MEMO1: variants seen among roughly 807,000 people sequenced by gnomAD.
MEMO1 encodes the protein protein MEMO1.
Under a neutral mutation model 45.2 loss-of-function variants are expected in MEMO1, and 6 were observed. The ratio of observed to expected loss-of-function variants is 0.13; its 90% confidence interval spans 0.07 to 0.26. MEMO1 has a LOEUF of 0.26. MEMO1 is among the 10% of genes least tolerant of loss of function. MEMO1 has a pLI of 1.00. For synonymous variants in MEMO1, 78 were observed against 124.3 expected (o/e 0.63, Z 2.48); for missense variants, 184 against 370.5 (o/e 0.50, Z 4.13).
intron 2 of MEMO1, among the ~76,000 whole-genome samples, chr2:31,970,259 C>T (rs903710546): frequency 2.6e-5 from 4 of 152,046 alleles, no homozygotes; most frequent in African/African-American, 9.7e-5. Context: ...AATGAGCCAC[C>T]GCGCCTGGCC....
chr2:31,933,834 T>G (rs1038636380), intron 3 of MEMO1, among the ~76,000 whole-genome samples: 17 of 152,160 alleles, frequency 1.1e-4, no homozygotes, highest in African/African-American at 4.1e-4. Context: ...GTTCTGATCT[T>G]AGCCAGAAGG....
At chr2:31,983,667 C>A (rs1273120889) in intron 2 of MEMO1, among the ~76,000 whole-genome samples, 3 of 152,292 alleles carry the variant, frequency 2.0e-5, no homozygotes, top group South Asian at 2.1e-4. Flanking sequence ...CTCCTGACCG[C>A]AGGTGATCCG....
At chr2:31,944,411 A>T (rs1362441558) in intron 2 of MEMO1, among the ~76,000 whole-genome samples, 2 of 152,218 alleles carry the variant, frequency 1.3e-5, no homozygotes, top group Non-Finnish European at 2.9e-5. Flanking sequence ...AGTTGGCCCA[A>T]GACTTTCCCA....
At chr2:31,946,186 A>G (rs1006835223) in intron 2 of MEMO1, among the ~76,000 whole-genome samples, 3 of 152,176 alleles carry the variant, frequency 2.0e-5, no homozygotes, top group Non-Finnish European at 4.4e-5. Context: ...GTCGTTCCCA[A>G]TATTTGATAT....
At chr2:31,981,865 G>C (rs1348929102) in intron 2 of MEMO1, among the ~76,000 whole-genome samples, 1 of 152,094 alleles carries the variant, frequency 6.6e-6, no homozygotes, top group Non-Finnish European at 1.5e-5. Flanking sequence ...TTATGCATTT[G>C]TCAGACCCAT....
At chr2:31,936,824 A>C (rs1664973417) in intron 3 of MEMO1, among the ~76,000 whole-genome samples, 1 of 152,240 alleles carries the variant, frequency 6.6e-6, no homozygotes, top group African/African-American at 2.4e-5. Flanking sequence ...GGAATACTTA[A>C]CTAAGATTCA....
At chr2:31,870,065 G>A (rs1673468647) in intron 8 of MEMO1, 113 bp from the exon 9 acceptor site, 2 of 830,152 alleles carry the variant, frequency 2.4e-6, no homozygotes, top group Non-Finnish European at 3.4e-6. Flanking sequence ...CAATTAGGGA[G>A]ACACAAAGAA....
At chr2:31,898,658 C>T (rs1678259203) in intron 6 of MEMO1, among the ~76,000 whole-genome samples, 1 of 152,014 alleles carries the variant, frequency 6.6e-6, no homozygotes, top group Admixed American at 6.6e-5. Flanking sequence ...AGAATGAGTG[C>T]AATGTGCTGC....
At chr2:31,944,505 T>C (rs987609207) in intron 2 of MEMO1, among the ~76,000 whole-genome samples, 4 of 152,202 alleles carry the variant, frequency 2.6e-5, no homozygotes, top group African/African-American at 9.6e-5. Flanking sequence ...ATTGAGAAGA[T>C]AACTACTTCA....
At chr2:31,943,503 T>C in intron 2 of MEMO1, 120 bp from the exon 3 acceptor site, 1 of 742,622 alleles carries the variant, frequency 1.3e-6, no homozygotes. Flanking sequence ...CGCAATAGGA[T>C]CATCAGTTGG....
At chr2:31,993,696 A>T (rs1672212100) in intron 2 of MEMO1, among the ~76,000 whole-genome samples, 1 of 152,174 alleles carries the variant, frequency 6.6e-6, no homozygotes, top group Admixed American at 6.5e-5. Context: ...CTGGGGAAAG[A>T]ACAATTTCTA....
rs1458583029 is a variant in MEMO1 at position 31,892,022 on chromosome 2, A to G, written c.550T>C (p.Phe184Leu). The G allele has an allele frequency of 2.5e-6, 4 of 1,611,888 alleles. No individual in the cohort carries two copies. Among genetic ancestry groups the G allele is most frequent in the Non-Finnish European group, 2.5e-6 (3 of 1,179,432 alleles). Reference sequence around the variant, plus strand: ...TGGCAGAAATCAGAAGAAACCACAAAGAGATTACTAGGATCCGCTAGATAT... The same window carrying G: ...TGGCAGAAATCAGAAGAAACCACAAGGAGATTACTAGGATCCGCTAGATAT... ...SKYLADPSNL[F>L]VVSSDFCHWG... The change falls in exon 7 of 10, where the codon TTT (phenylalanine) becomes CTT (leucine). Residue 184 changes from phenylalanine (F) to leucine (L), a missense_variant. Transcript: ENST00000404530.
chr2:31,895,752 A>G (rs1381474665), intron 6 of MEMO1, among the ~76,000 whole-genome samples: 1 of 152,082 alleles, frequency 6.6e-6, no homozygotes, highest in African/African-American at 2.4e-5. Context: ...GAAATTCAAC[A>G]AATCCAAAGT....
intron 2 of MEMO1, among the ~76,000 whole-genome samples, chr2:31,967,280 C>T (rs1479023780): frequency 2.0e-5 from 3 of 151,910 alleles, no homozygotes; most frequent in African/African-American, 4.8e-5. Context: ...CCCACCACCA[C>T]GCCCGGCTAA....
chr2:31,900,262 A>G (rs186966091), intron 6 of MEMO1, among the ~76,000 whole-genome samples: 22 of 152,340 alleles, frequency 1.4e-4, no homozygotes, highest in Non-Finnish European at 3.2e-4. Context: ...TCACAGCAGC[A>G]AAGACTTGGA....
In MEMO1 at chr2:31,869,954, TAAAAAA is replaced by T; in HGVS notation, c.658-8_658-3del. ...TAATTGTTCTATAATACTCATACCC[TAAAAAA>T]AAAAAAAAAGAAGAGGAAGAAAAAA... On this transcript the variant is annotated splice_region_variant and splice_polypyrimidine_tract_variant and intron_variant, in intron 8 of 9. Coordinates refer to ENST00000404530, the MANE Select transcript of MEMO1 (RefSeq NM_001301833.4). 2 of 1,170,390 alleles carry T rather than the reference TAAAAAA, an allele frequency of 1.7e-6. No individual in the cohort carries two copies. The highest frequency in any genetic ancestry group is 2.3e-5 in the South Asian group (1 of 44,198). The allele number at this position is 1,170,390 out of a possible 1,614,324, so 72.5% of individuals were successfully genotyped here.
chr2:31,896,880 G>A (rs1273451073), intron 6 of MEMO1, among the ~76,000 whole-genome samples: 1 of 152,098 alleles, frequency 6.6e-6, no homozygotes, highest in Non-Finnish European at 1.5e-5. Flanking sequence ...ATATACAAAT[G>A]GATAATCAGC....
chr2:31,876,769 G>A (rs1283316991), intron 8 of MEMO1, among the ~76,000 whole-genome samples: 4 of 151,084 alleles, frequency 2.6e-5, no homozygotes, highest in African/African-American at 9.8e-5. Flanking sequence ...CAAAAATTTA[G>A]GAGTCATCCT....
intron 2 of MEMO1, among the ~76,000 whole-genome samples, chr2:31,993,476 A>C (rs1672186594): frequency 6.6e-6 from 1 of 152,234 alleles, no homozygotes; most frequent in East Asian, 1.9e-4. Context: ...AGTGAAGAGG[A>C]GCACAGACCT....
Sources: gnomAD v4.1 joint callset for allele counts (sites outside exome capture counted in the v4.1 genomes callset) on GRCh38, gnomAD v4.1.1 for gene constraint, MANE v1.5 for transcripts, NCBI Gene and HGNC (gene_info 2026-07-23, HGNC 2026-07-21) for gene names.